RIMS1: variants seen among roughly 807,000 people sequenced by gnomAD.
RIMS1 encodes the protein regulating synaptic membrane exocytosis protein 1.
In RIMS1, 83 loss-of-function variants were observed where a neutral mutation model predicts 214.1. That is an observed-to-expected ratio of 0.39 (90% CI 0.32 to 0.47). The LOEUF is 0.47. Ranked by LOEUF, RIMS1 falls within the 20% of genes least tolerant of loss-of-function variation. RIMS1 has a pLI of 0.99. For missense variants in RIMS1, 2,050 were observed against 2,161.8 expected (o/e 0.95, Z 1.03); for synonymous variants, 793 against 786.8 (o/e 1.01, Z -0.13).
chr6:71,923,114 A>G (rs1780509521), intron 1 of RIMS1, among the ~76,000 whole-genome samples: 1 of 152,178 alleles, frequency 6.6e-6, no homozygotes, highest in Non-Finnish European at 1.5e-5. Context: ...CTACTCTTCC[A>G]GATCTCAAGG....
chr6:72,293,015 T>C (rs1445427103), intron 26 of RIMS1, among the ~76,000 whole-genome samples: 1 of 152,000 alleles, frequency 6.6e-6, no homozygotes, highest in African/African-American at 2.4e-5. Context: ...ATTCAAGTGA[T>C]TTACTGAATG....
intron 27 of RIMS1, among the ~76,000 whole-genome samples, chr6:72,308,640 A>C (rs1225493477): frequency 6.6e-6 from 1 of 151,992 alleles, no homozygotes; most frequent in African/African-American, 2.4e-5. Flanking sequence ...CCATAGAGTC[A>C]TGTGTGTTTG....
chr6:71,986,178 A>T (rs1799880920), intron 2 of RIMS1, among the ~76,000 whole-genome samples: 1 of 136,496 alleles, frequency 7.3e-6, no homozygotes, highest in Admixed American at 8.3e-5. Context: ...AACCATCACA[A>T]CTTTGGGTTT....
At chr6:71,919,488 G>C (rs1779387956) in intron 1 of RIMS1, among the ~76,000 whole-genome samples, 1 of 152,068 alleles carries the variant, frequency 6.6e-6, no homozygotes, top group Non-Finnish European at 1.5e-5. Flanking sequence ...TGAAATGCCA[G>C]CTAGCATCTA....
rs959256082 is a variant in RIMS1 at position 72,006,905 on chromosome 6, A to G, written c.245+37842A>G. On this transcript the variant is annotated intron_variant, in intron 2 of 33. Transcript: ENST00000521978. ...TAGACTCCACCTCTGGGGGCAGGGC[A>G]TAGCCAAACAAAAGACAGAAGAAAC... Among the ~76,000 whole-genome samples the G allele has an allele frequency of 5.1e-4, 78 of 152,234 alleles. 2 individuals are homozygous for G. The highest frequency in any genetic ancestry group is 5.1e-3 in the Admixed American group (78 of 15,290).
At chr6:72,220,558 A>G (rs2058045744) in intron 6 of RIMS1, among the ~76,000 whole-genome samples, 1 of 152,114 alleles carries the variant, frequency 6.6e-6, no homozygotes, top group South Asian at 2.1e-4. Flanking sequence ...GATAAACTCA[A>G]GACCAGCTTC....
chr6:72,288,805 T>C (rs1216592651), intron 24 of RIMS1, among the ~76,000 whole-genome samples: 2 of 152,204 alleles, frequency 1.3e-5, no homozygotes, highest in African/African-American at 4.8e-5. Context: ...CGCTTCTCCT[T>C]TGGTCTGTGA....
rs140032385 is a variant in RIMS1, at chr6:72,362,785, A to G, written c.4367-27813A>G. On this transcript the variant is annotated intron_variant, in intron 29 of 33. Transcript: ENST00000521978. ...TTCATTTATTTATGTCATTTTCCCTATAGTTCAGTTGTTCAATTCCATGTG... is the reference window on the plus strand; with the variant it reads ...TTCATTTATTTATGTCATTTTCCCTGTAGTTCAGTTGTTCAATTCCATGTG... Among the ~76,000 whole-genome samples, 786 of 152,226 alleles carry G rather than the reference A, an allele frequency of 5.2e-3. 3 individuals carry two copies. Among genetic ancestry groups the G allele is most frequent in the African/African-American group, 0.018 (747 of 41,538 alleles).
intron 2 of RIMS1, among the ~76,000 whole-genome samples, chr6:72,061,692 G>A (rs927132082): frequency 9.2e-5 from 14 of 152,230 alleles, no homozygotes; most frequent in Non-Finnish European, 2.1e-4. Context: ...CAGCATCTCT[G>A]AGAAAATAGC....
At chr6:72,027,336 C>T (rs935386745) in intron 2 of RIMS1, among the ~76,000 whole-genome samples, 2 of 152,206 alleles carry the variant, frequency 1.3e-5, no homozygotes, top group East Asian at 1.9e-4. Context: ...CAATTTTTGC[C>T]TCTCTGAAGG....
At chr6:72,031,794 A>G (rs1287665875) in intron 2 of RIMS1, among the ~76,000 whole-genome samples, 1 of 152,138 alleles carries the variant, frequency 6.6e-6, no homozygotes, top group Non-Finnish European at 1.5e-5. Context: ...TATTACTCAA[A>G]TATCTATTAC....
intron 29 of RIMS1, among the ~76,000 whole-genome samples, chr6:72,383,608 T>TAAAAAAAAA (rs1170633297): frequency 1.2e-5 from 1 of 85,922 alleles, no homozygotes; most frequent in Admixed American, 1.4e-4. Flanking sequence ...ACCCCATCTC[T>TAAAAAAAAA]AAAAAAAAAA....
intron 24 of RIMS1, among the ~76,000 whole-genome samples, chr6:72,287,880 G>A (rs766257248): frequency 2.7e-4 from 41 of 152,032 alleles, no homozygotes; most frequent in Admixed American, 2.0e-3. Context: ...ACGCGCGGCC[G>A]CAAACCTCAT....
Position 72,400,757 on chromosome 6 carries a change from G to GATTATTATCCT in RIMS1, c.*43_*44insATTATTATCCT. On this transcript the variant is annotated 3_prime_UTR_variant, in exon 34 of 34. Transcript: ENST00000521978. The stretch of plus-strand genomic sequence containing the variant: ...CATTCCAATAAAACTCTACTTTTCA[G>GATTATTATCCT]GATAATAATCTGAACCAGATATTTC... 7.0e-7 allele frequency: 1 copy of GATTATTATCCT among 1,432,570 alleles called. No individual in the cohort carries two copies. Among genetic ancestry groups the GATTATTATCCT allele is most frequent in the Non-Finnish European group, 9.7e-7 (1 of 1,027,192 alleles). 88.7% of individuals were successfully genotyped at this position (1,432,570 alleles called of 1,614,324 possible).
chr6:72,144,886 TTTC>T, intron 4 of RIMS1, among the ~76,000 whole-genome samples: 1 of 151,556 alleles, frequency 6.6e-6, no homozygotes. Flanking sequence ...TTCTTTCTTT[TTTC>T]TTTTTTTTTT....
chr6:72,038,118 A>AAT (rs70994111), intron 2 of RIMS1, among the ~76,000 whole-genome samples: 529 of 13,368 alleles, frequency 0.04, 12 homozygotes, highest in Middle Eastern at 0.062. Flanking sequence ...AAAAAAAAAA[A>AAT]ATATATATAT....
At chr6:72,086,810 A>G (rs1187567438) in intron 2 of RIMS1, among the ~76,000 whole-genome samples, 1 of 152,216 alleles carries the variant, frequency 6.6e-6, no homozygotes, top group Non-Finnish European at 1.5e-5. Context: ...CAGAGATGAT[A>G]TTTAATCAGT....
In RIMS1 at chr6:72,009,640, GGATA is replaced by G. The variant is rs910904500; in HGVS notation, c.245+40578_245+40581del. Among the ~76,000 whole-genome samples the G allele has an allele frequency of 2.5e-3, 290 of 114,738 alleles. 1 individual carries two copies. The highest frequency in any genetic ancestry group is 8.2e-3 in the African/African-American group (274 of 33,280). 75.3% of individuals were successfully genotyped at this position (114,738 alleles called of 152,430 possible). A position where few individuals can be genotyped will look rare whatever the true frequency, so the allele number is the denominator to read the frequency against. On this transcript the variant is annotated intron_variant, in intron 2 of 33. Coordinates refer to ENST00000521978, the MANE Select transcript of RIMS1 (RefSeq NM_014989.7). Reference sequence around the variant, plus strand: ...AGACTCAATAAAAAAATGATAAAGGGGATATCACCACTGATCCCACAGAAATACA... The same window carrying G: ...AGACTCAATAAAAAAATGATAAAGGGTCACCACTGATCCCACAGAAATACA...
At chr6:72,376,020 A>C (rs1225880064) in intron 29 of RIMS1, among the ~76,000 whole-genome samples, 1 of 152,196 alleles carries the variant, frequency 6.6e-6, no homozygotes, top group Non-Finnish European at 1.5e-5. Flanking sequence ...TTACTTTTTC[A>C]TGAAAATTCT....
Sources: allele counts gnomAD v4.1 joint callset (sites outside exome capture counted in the v4.1 genomes callset), GRCh38; gene constraint gnomAD v4.1.1; transcripts MANE v1.5; gene names NCBI Gene and HGNC (gene_info 2026-07-23, HGNC 2026-07-21).